ZNF710: variants seen among roughly 807,000 people sequenced by gnomAD.
ZNF710 encodes the protein zinc finger protein 710.
Under a neutral mutation model 50.6 loss-of-function variants are expected in ZNF710, and 13 were observed. The observed-to-expected ratio is 0.26, with a 90% CI of 0.17 to 0.41. ZNF710 has a LOEUF of 0.41. Ranked by LOEUF, ZNF710 falls within the 10% of genes least tolerant of loss-of-function variation. The probability of loss-of-function intolerance (pLI) is 1.00; values close to 1 mark genes in which losing one functional copy is unlikely to be tolerated. For synonymous variants in ZNF710, 383 were observed against 397.0 expected (o/e 0.96, Z 0.42); for missense variants, 721 against 936.6 (o/e 0.77, Z 3.01).
intron 4 of ZNF710, 86 bp from the exon 5 acceptor site, chr15:90,079,574 T>C: frequency 2.0e-6 from 3 of 1,527,866 alleles, no homozygotes; most frequent in Non-Finnish European, 2.7e-6. Flanking sequence ...GCCCTCTCTT[T>C]AGAAAGGCCA....
chr15:90,037,342 G>A (rs1190170935), intron 1 of ZNF710, among the ~76,000 whole-genome samples: 4 of 152,174 alleles, frequency 2.6e-5, no homozygotes, highest in Admixed American at 2.6e-4. Context: ...CACTGGGACT[G>A]GGAATCCCCA....
rs549302741 is a variant in ZNF710 at position 90,077,934 on chromosome 15, G to A, written c.1826-1726G>A. 4.0e-4 allele frequency among the ~76,000 whole-genome samples: 61 copies of A among 151,560 alleles called. 1 individual carries two copies. The highest frequency in any genetic ancestry group is 1.2e-3 in the African/African-American group (51 of 41,324). ...AAAAAGAAAAGAAATGGGGCCAGGC[G>A]CAGTGGCTCACGCCTGTAATCCCAG... On this transcript the variant is annotated intron_variant, in intron 4 of 4. Coordinates refer to ENST00000268154, the MANE Select transcript of ZNF710 (RefSeq NM_198526.4).
At chr15:89,999,256 T>C (rs1336080784), upstream of ZNF710, among the ~76,000 whole-genome samples, 2 of 151,472 alleles carry the variant, frequency 1.3e-5, no homozygotes, top group Non-Finnish European at 2.9e-5. Context: ...CTGAGGTTGC[T>C]GTCTTCTTTT....
intron 1 of ZNF710, among the ~76,000 whole-genome samples, chr15:90,020,594 C>G (rs1323662764): frequency 6.6e-6 from 1 of 152,260 alleles, no homozygotes; most frequent in Non-Finnish European, 1.5e-5. Flanking sequence ...TTCTGTGAAC[C>G]TGACGCCTCA....
intron 3 of ZNF710, among the ~76,000 whole-genome samples, chr15:90,073,573 G>A (rs943096508): frequency 6.6e-6 from 1 of 152,168 alleles, no homozygotes; most frequent in Non-Finnish European, 1.5e-5. Context: ...TCTGATAAGT[G>A]CAGCTCAGAG....
rs762493398 is a variant in ZNF710 at position 90,074,387 on chromosome 15, AG to A, written c.1825+99del. The A allele has an allele frequency of 5.7e-6, 9 of 1,579,832 alleles. No homozygotes were observed. The South Asian group carries it at 1.0e-4, about 18-fold the overall frequency. On this transcript the variant is annotated intron_variant, in intron 4 of 4. Coordinates refer to ENST00000268154, the MANE Select transcript of ZNF710 (RefSeq NM_198526.4). ...GTTAGAGGAGTGGGGAGGCTGGCCA[AG>A]GCTGAGACTTCGTTGGGGTGGGCTC...
chr15:90,054,124 AG>A (rs1899732971), intron 1 of ZNF710, among the ~76,000 whole-genome samples: 1 of 152,204 alleles, frequency 6.6e-6, no homozygotes, highest in Non-Finnish European at 1.5e-5. Context: ...GGAGAGTAAA[AG>A]GGAGCGAGAG....
At chr15:90,049,763 C>T (rs1426541409) in intron 1 of ZNF710, among the ~76,000 whole-genome samples, 1 of 152,240 alleles carries the variant, frequency 6.6e-6, no homozygotes, top group Non-Finnish European at 1.5e-5. Flanking sequence ...CTGCAGCCAA[C>T]AGGCTGCCTT....
chr15:90,032,693 G>T (rs1426874125), intron 1 of ZNF710, among the ~76,000 whole-genome samples: 8 of 150,474 alleles, frequency 5.3e-5, no homozygotes, highest in Non-Finnish European at 8.8e-5. Context: ...CAGGAGAATT[G>T]CTTGAACCCA....
At chr15:90,074,701 C>A in intron 4 of ZNF710, 1 of 360,990 alleles carries the variant, frequency 2.8e-6, no homozygotes, top group Non-Finnish European at 5.2e-6. Context: ...CACTTTATTT[C>A]GTTACCGTGA....
Position 90,067,929 on chromosome 15 carries a change from A to G in ZNF710, c.792A>G (p.Glu264=). The G allele has an allele frequency of 1.9e-6, 3 of 1,613,696 alleles. No homozygotes were observed. Among genetic ancestry groups the G allele is most frequent in the East Asian group, 2.2e-5 (1 of 44,880 alleles). ...CTGACACGGCGGGTTCGACCGTGGA[A>G]CGCCACAAGAAGGCCCAGCTGGATC... ...FEADTAGSTV[E]RHKKAQLDRL... The change falls in exon 2 of 5, where the codon GAA becomes GAG. Residue 264 remains glutamate, a synonymous_variant. Transcript: ENST00000268154. The surrounding 1 kb of genome is among the most constrained non-coding windows in gnomAD (Gnocchi z 8.1).
chr15:90,078,373 C>T (rs1900644417), intron 4 of ZNF710, among the ~76,000 whole-genome samples: 1 of 152,234 alleles, frequency 6.6e-6, no homozygotes, highest in East Asian at 1.9e-4. Context: ...TGCCAGTGGC[C>T]GTCAGGGTGT....
At chr15:90,075,391 G>C (rs576275938) in intron 4 of ZNF710, 1 of 152,230 alleles carries the variant, frequency 6.6e-6, no homozygotes, top group African/African-American at 2.4e-5. Flanking sequence ...GTGTGGTGGC[G>C]TGTGCCTATA....
At chr15:90,074,508 A>G (rs1409273187) in intron 4 of ZNF710, 1 of 1,505,622 alleles carries the variant, frequency 6.6e-7, no homozygotes, top group Non-Finnish European at 8.9e-7. Flanking sequence ...TCACGTAAAC[A>G]ATATAATAAA....
At chr15:90,060,716 C>T (rs1899980416) in intron 1 of ZNF710, among the ~76,000 whole-genome samples, 1 of 150,912 alleles carries the variant, frequency 6.6e-6, no homozygotes, top group African/African-American at 2.4e-5. Context: ...ATTAGCCGAG[C>T]ATGGTGGTGG....
Position 90,037,060 on chromosome 15 carries a change from C to T in ZNF710, c.-28-30050C>T, listed in dbSNP as rs77649187. Among the ~76,000 whole-genome samples the T allele has an allele frequency of 1.4e-3, 211 of 151,724 alleles. 5 individuals carry two copies. In the East Asian group the frequency reaches 0.033, roughly 24 times the overall value. ...GGGAGGTCAGGCATGGTGGGGAGGA[C>T]GGGAAGTGGGGCTGGGTTCAAAGCC... On this transcript the variant is annotated intron_variant, in intron 1 of 4. Transcript: ENST00000268154.
Position 90,005,631 on chromosome 15 carries a change from G to A in ZNF710, c.-29+4017G>A, listed in dbSNP as rs1898121304. 2.6e-5 allele frequency among the ~76,000 whole-genome samples: 4 copies of A among 152,108 alleles called. No homozygotes were observed. The South Asian group carries it at 8.3e-4, about 32-fold the overall frequency. ...ACCCAGCCTAATTTTTATATTTTTAGTAGAGACGGGGTTTCACCAGGTTGG... is the reference window on the plus strand; with the variant it reads ...ACCCAGCCTAATTTTTATATTTTTAATAGAGACGGGGTTTCACCAGGTTGG... On this transcript the variant is annotated intron_variant, in intron 1 of 4. Transcript: ENST00000268154.
chr15:90,045,439 C>T (rs907484337), intron 1 of ZNF710: 3 of 975,140 alleles, frequency 3.1e-6, no homozygotes, highest in Non-Finnish European at 3.7e-6. Flanking sequence ...GGGTGCAGCT[C>T]TAGTGAGGTC....
Position 90,068,402 on chromosome 15 carries a change from T to G in ZNF710, c.1265T>G (p.Leu422Arg). The change falls in exon 2 of 5, where the codon CTC becomes CGC. Residue 422 changes from leucine to arginine, a missense_variant. Physicochemically the swap from Leu to Arg is moderately radical, Grantham distance 102 (BLOSUM62 -2). Around this residue, in one of 3 missense-constraint regions of ZNF710, gnomAD observed 326 missense variants for 522.0 expected, o/e 0.62. Coordinates refer to ENST00000268154, the MANE Select transcript of ZNF710 (RefSeq NM_198526.4). The surrounding 1 kb of genome is among the most constrained non-coding windows in gnomAD (Gnocchi z 5.0). ...CTGGACTTCTCCACCCTGACCCAGC[T>G]CAAGCGCCACCTGGCCTCCCACCAG... is the stretch of plus-strand genomic sequence containing the variant. ...CGLDFSTLTQ[L>R]KRHLASHQGP... The G allele has an allele frequency of 6.2e-7, 1 of 1,613,536 alleles. No homozygotes were observed. The highest frequency in any genetic ancestry group is 8.5e-7 in the Non-Finnish European group (1 of 1,179,892).
Sources: gnomAD v4.1 joint callset for allele counts (sites outside exome capture counted in the v4.1 genomes callset) on GRCh38, gnomAD v4.1.1 for gene constraint, gnomAD v4.1.1 regional missense constraint, Gnocchi (gnomAD v3.1) non-coding constraint, MANE v1.5 for transcripts, NCBI Gene and HGNC (gene_info 2026-07-23, HGNC 2026-07-21) for gene names.